Variants in SKAP2 observed in about 807,000 individuals in gnomAD.
SKAP2 encodes src kinase associated phosphoprotein 2.
SKAP2 carries 28 observed loss-of-function variants against 54.9 expected under a neutral mutation model. The ratio of observed to expected loss-of-function variants is 0.51; its 90% CI spans 0.38 to 0.70. The LOEUF is 0.70. Ranked by LOEUF, SKAP2 falls within the 30% of genes least tolerant of loss-of-function variation. The pLI is 0.00. For synonymous variants in SKAP2, 137 were observed against 134.3 expected (o/e 1.02, Z -0.14); for missense variants, 356 against 424.1 (o/e 0.84, Z 1.41).
At position 26,857,838 on chromosome 7, in the gene SKAP2, C is replaced by A. The variant is rs554231089; in HGVS notation, c.68-2948G>T. On this transcript the variant is annotated intron_variant, in intron 1 of 12. Coordinates refer to ENST00000345317, the MANE Select transcript of SKAP2 (RefSeq NM_003930.5). ...GGCTGGTTGGAGAAGAGATTTGAAGCTTCTTATTGTGCTCTAAATAGCCCT... is the reference window on the plus strand; with the variant it reads ...GGCTGGTTGGAGAAGAGATTTGAAGATTCTTATTGTGCTCTAAATAGCCCT... 73 of 597,682 alleles carry A rather than the reference C, an allele frequency of 1.2e-4. No individual in the cohort carries two copies. The Middle Eastern group carries it at 4.9e-3, about 40-fold the overall frequency. The allele number at this position is 597,682 out of a possible 1,614,324, so 37.0% of individuals were successfully genotyped here.
intron 9 of SKAP2, among the ~76,000 whole-genome samples, chr7:26,720,836 T>C (rs1437454973): frequency 6.6e-6 from 1 of 152,090 alleles, no homozygotes; most frequent in Non-Finnish European, 1.5e-5. Flanking sequence ...TTCAATTATC[T>C]CCACCTGGTC....
At chr7:26,824,822 G>A (rs1050846007) in intron 4 of SKAP2, among the ~76,000 whole-genome samples, 3 of 152,190 alleles carry the variant, frequency 2.0e-5, no homozygotes, top group Non-Finnish European at 4.4e-5. Flanking sequence ...TCCATGGGCT[G>A]TAGATTGCCA....
At position 26,844,067 on chromosome 7, in the gene SKAP2, T is replaced by C; in HGVS notation, c.270A>G (p.Ser90=). Residue 90 remains serine (S), a synonymous_variant, in exon 4 of 13, where the codon TCA becomes TCG. Transcript: ENST00000345317. ...CTTCATCGTCTTTATCATATCGTTC[T>C]GAGGCTAATGAAATAGTGTCTGGAG... The part of the protein sequence containing the change: ...AGPPDTISLA[S]ERYDKDDEAP... 1 of 1,612,434 alleles carries C rather than the reference T, an allele frequency of 6.2e-7. No homozygotes were observed. The highest frequency in any genetic ancestry group is 8.5e-7 in the Non-Finnish European group (1 of 1,178,746).
intron 4 of SKAP2, among the ~76,000 whole-genome samples, chr7:26,759,086 AT>A (rs1782866709): frequency 6.6e-6 from 1 of 152,238 alleles, no homozygotes; most frequent in South Asian, 2.1e-4. Flanking sequence ...AAAAATATGC[AT>A]AAAAATAACT....
chr7:26,838,663 T>TA (rs1167081919), intron 4 of SKAP2, among the ~76,000 whole-genome samples: 3 of 152,172 alleles, frequency 2.0e-5, no homozygotes, highest in African/African-American at 7.2e-5. Context: ...CACAATCTCT[T>TA]AGAATTTAGG....
intron 10 of SKAP2, among the ~76,000 whole-genome samples, chr7:26,686,689 C>T (rs1231216841): frequency 6.6e-6 from 1 of 152,178 alleles, no homozygotes; most frequent in East Asian, 1.9e-4. Flanking sequence ...ACATTCTAGT[C>T]AGATTAAATC....
At chr7:26,761,224 T>C (rs1039742103) in intron 4 of SKAP2, among the ~76,000 whole-genome samples, 1 of 152,214 alleles carries the variant, frequency 6.6e-6, no homozygotes, top group African/African-American at 2.4e-5. Flanking sequence ...AGTTACACTT[T>C]AATGCAACAC....
chr7:26,817,419 G>A (rs1316669321), intron 4 of SKAP2, among the ~76,000 whole-genome samples: 7 of 151,668 alleles, frequency 4.6e-5, no homozygotes, highest in Admixed American at 3.9e-4. Flanking sequence ...AACAGAGCAA[G>A]AAAAAAAATT....
At chr7:26,833,423 T>C (rs930578140) in intron 4 of SKAP2, among the ~76,000 whole-genome samples, 47 of 141,420 alleles carry the variant, frequency 3.3e-4, no homozygotes, top group Middle Eastern at 3.9e-3. Flanking sequence ...AGACACAGAC[T>C]GGCAGATTGG....
chr7:26,763,220 A>G (rs1782971730), intron 4 of SKAP2, among the ~76,000 whole-genome samples: 1 of 152,176 alleles, frequency 6.6e-6, no homozygotes, highest in South Asian at 2.1e-4. Flanking sequence ...AAAGTTACCA[A>G]GATTTTCCAC....
chr7:26,798,780 T>C (rs1214150096), intron 4 of SKAP2, among the ~76,000 whole-genome samples: 1 of 152,058 alleles, frequency 6.6e-6, no homozygotes, highest in African/African-American at 2.4e-5. Flanking sequence ...AGTTAAGCTG[T>C]AGAGTGTTTA....
chr7:26,860,733 C>A (rs1263714115), intron 1 of SKAP2, among the ~76,000 whole-genome samples: 1 of 148,238 alleles, frequency 6.7e-6, no homozygotes, highest in Non-Finnish European at 1.5e-5. Flanking sequence ...TGAAAAAATT[C>A]TGCCTCTATT....
chr7:26,686,674 T>G (rs2127938109), intron 10 of SKAP2, among the ~76,000 whole-genome samples: 1 of 152,326 alleles, frequency 6.6e-6, no homozygotes, highest in Admixed American at 6.5e-5. Context: ...GATTTAGAAG[T>G]TGAAACATTC....
At chr7:26,835,428 T>G (rs1784687256) in intron 4 of SKAP2, among the ~76,000 whole-genome samples, 1 of 152,134 alleles carries the variant, frequency 6.6e-6, no homozygotes, top group African/African-American at 2.4e-5. Flanking sequence ...ATGACATGAT[T>G]GTATATTTAG....
chr7:26,773,171 C>T (rs1783225907), intron 4 of SKAP2, among the ~76,000 whole-genome samples: 1 of 152,248 alleles, frequency 6.6e-6, no homozygotes, highest in Admixed American at 6.5e-5. Context: ...AGCCACACAA[C>T]ATTACTGCAT....
chr7:26,831,640 G>A (rs1056951977), intron 4 of SKAP2, among the ~76,000 whole-genome samples: 2 of 152,074 alleles, frequency 1.3e-5, no homozygotes, highest in Non-Finnish European at 2.9e-5. Context: ...TCAATCCTAA[G>A]AATAACCATA....
the SKAP2 span, among the ~76,000 whole-genome samples, chr7:26,661,563 G>GT: frequency 1.3e-5 from 2 of 152,094 alleles, no homozygotes; most frequent in Admixed American, 6.6e-5. Flanking sequence ...ATAGACAGAA[G>GT]TAACATCTCT....
chr7:26,760,348 A>AT (rs1010987265), intron 4 of SKAP2, among the ~76,000 whole-genome samples: 5 of 152,150 alleles, frequency 3.3e-5, no homozygotes, highest in African/African-American at 4.8e-5. Context: ...AAAGGAATTG[A>AT]TTTTTTTATA....
intron 4 of SKAP2, among the ~76,000 whole-genome samples, chr7:26,822,860 G>GC (rs1421935236): frequency 6.6e-6 from 1 of 151,586 alleles, no homozygotes; most frequent in African/African-American, 2.4e-5. Flanking sequence ...TCCAGCCTGG[G>GC]CGACACAGCG....
Sources: gnomAD v4.1 joint callset for allele counts (sites outside exome capture counted in the v4.1 genomes callset) on GRCh38, gnomAD v4.1.1 for gene constraint, MANE v1.5 for transcripts, NCBI Gene and HGNC (gene_info 2026-07-23, HGNC 2026-07-21) for gene names.